The following HECW1 variants were observed in gnomAD, a reference collection of about 807,000 sequenced individuals.
The protein encoded by HECW1 is HECT, C2 and WW domain containing E3 ubiquitin protein ligase 1.
In HECW1, 61 loss-of-function variants were observed where a neutral mutation model predicts 182.3. The ratio of observed to expected loss-of-function variants is 0.33; its 90% CI spans 0.27 to 0.41. The LOEUF is 0.41. Among genes scored for constraint, HECW1 ranks in the 10% least tolerant of loss-of-function variants. The pLI, the probability that HECW1 is intolerant of heterozygous loss-of-function variation, is 1.00. For missense variants in HECW1, 1,739 were observed against 2,108.9 expected (o/e 0.82, Z 3.44); for synonymous variants, 859 against 832.6 (o/e 1.03, Z -0.55).
In HECW1 at chr7:43,480,631, GTGTGTGTACATA is replaced by G. The variant is rs1343546697; in HGVS notation, c.3234+895_3234+906del. ...TGAGTTTGTGTGTGTGTGCGTGTGT[GTGTGTGTACATA>G]TGTGTGTGTGTGTGTATATATATAC... On this transcript the variant is annotated intron_variant, in intron 17 of 29. Coordinates refer to ENST00000395891, the MANE Select transcript of HECW1 (RefSeq NM_015052.5). 2.0e-5 allele frequency among the ~76,000 whole-genome samples: 3 copies of G among 151,482 alleles called. No individual in the cohort carries two copies. The South Asian group carries it at 6.2e-4, about 32-fold the overall frequency.
intron 29 of HECW1, among the ~76,000 whole-genome samples, chr7:43,556,412 C>T (rs939243470): frequency 1.3e-5 from 2 of 152,280 alleles, no homozygotes; most frequent in African/African-American, 4.8e-5. Flanking sequence ...GCTGTCTGGG[C>T]GCAGTGGCTC....
intron 16 of HECW1, 123 bp from the exon 17 acceptor site, chr7:43,479,487 G>A: frequency 3.5e-6 from 4 of 1,152,478 alleles, no homozygotes; most frequent in Non-Finnish European, 5.0e-6. Context: ...GGAAGTAGGG[G>A]TAGGGGAGGC....
chr7:43,337,889 C>T (rs1812502588), intron 5 of HECW1, among the ~76,000 whole-genome samples: 1 of 152,184 alleles, frequency 6.6e-6, no homozygotes, highest in Non-Finnish European at 1.5e-5. Context: ...AAGGAACAAA[C>T]ATCCAGTTCC....
chr7:43,123,314 A>G (rs1299137627), intron 2 of HECW1, among the ~76,000 whole-genome samples: 3 of 152,162 alleles, frequency 2.0e-5, no homozygotes, highest in African/African-American at 7.2e-5. Context: ...GAGCTTAGAA[A>G]TCATCGTGAC....
At chr7:43,483,313 C>CT (rs1014160255) in intron 17 of HECW1, among the ~76,000 whole-genome samples, 1 of 152,072 alleles carries the variant, frequency 6.6e-6, no homozygotes, top group Non-Finnish European at 1.5e-5. Flanking sequence ...CCTTGCAGGA[C>CT]TTTTTTTCCT....
chr7:43,397,300 G>A (rs573681884), intron 7 of HECW1, among the ~76,000 whole-genome samples: 93 of 151,902 alleles, frequency 6.1e-4, no homozygotes, highest in African/African-American at 2.2e-3. Flanking sequence ...GCTCATTCAT[G>A]GAAAAAAAAT....
intron 3 of HECW1, among the ~76,000 whole-genome samples, chr7:43,295,352 G>A (rs1306870149): frequency 6.6e-6 from 1 of 152,178 alleles, no homozygotes; most frequent in Non-Finnish European, 1.5e-5. Context: ...TTTAGGAATA[G>A]AATAGGAGGC....
intron 3 of HECW1, among the ~76,000 whole-genome samples, chr7:43,256,732 G>A (rs1020057029): frequency 2.6e-5 from 4 of 151,966 alleles, no homozygotes; most frequent in Admixed American, 2.6e-4. Context: ...CCAAGGGAGT[G>A]ATAAGATAAG....
At chr7:43,426,202 C>T (rs1221489016) in intron 8 of HECW1, among the ~76,000 whole-genome samples, 8 of 152,198 alleles carry the variant, frequency 5.3e-5, no homozygotes, top group Admixed American at 3.9e-4. Flanking sequence ...CATCCTTTTA[C>T]ATCTGTTTAT....
chr7:43,322,086 T>C (rs1015712279), intron 5 of HECW1, among the ~76,000 whole-genome samples: 4 of 152,244 alleles, frequency 2.6e-5, no homozygotes, highest in Admixed American at 1.3e-4. Flanking sequence ...TTCTTTTTTT[T>C]GAGACGGAGT....
rs1336775971 is a variant in HECW1, at chr7:43,432,089, A to G, written c.802-5914A>G. 6.6e-6 allele frequency among the ~76,000 whole-genome samples: 1 copy of G among 151,860 alleles called. No individual in the cohort carries two copies. The highest frequency in any genetic ancestry group is 6.6e-5 in the Admixed American group (1 of 15,258). ...GTGATCTACCCACCTCGGCCTTCCA[A>G]AGTGCTGGGATTACAGGCATGAGCC... On this transcript the variant is annotated intron_variant, in intron 8 of 29. Coordinates refer to ENST00000395891, the MANE Select transcript of HECW1 (RefSeq NM_015052.5). The surrounding 1 kb of genome is among the most constrained non-coding windows in gnomAD (Gnocchi z 4.1).
chr7:43,431,344 CCT>C (rs1361843341), intron 8 of HECW1, among the ~76,000 whole-genome samples: 1 of 152,152 alleles, frequency 6.6e-6, no homozygotes, highest in East Asian at 1.9e-4. Flanking sequence ...TCATTCAGCC[CCT>C]CTCTGCATTC....
chr7:43,249,155 C>T (rs1799769177), intron 3 of HECW1: 2 of 152,332 alleles, frequency 1.3e-5, no homozygotes, highest in Admixed American at 6.5e-5. Flanking sequence ...CTCGGGTCAT[C>T]TGCGGAGCCT....
At position 43,114,186 on chromosome 7, in the gene HECW1, T is replaced by C. The variant is rs1784861282; in HGVS notation, c.-237T>C. The C allele has an allele frequency of 8.0e-7, 1 of 1,251,484 alleles. No individual in the cohort carries two copies. The highest frequency in any genetic ancestry group is 1.4e-5 in the South Asian group (1 of 72,076). 77.5% of individuals were successfully genotyped at this position (1,251,484 alleles called of 1,614,324 possible). A position where few individuals can be genotyped will look rare whatever the true frequency, so the allele number is the denominator to read the frequency against. On this transcript the variant is annotated 5_prime_UTR_variant, in exon 2 of 30. Transcript: ENST00000395891. ...CAATGCTATGTTCAGCAGAAACGGA[T>C]ACAGCAAGAGCAGCATAGTTCAAAA...
At chr7:43,151,922 C>A (rs1789374675) in intron 2 of HECW1, among the ~76,000 whole-genome samples, 1 of 152,102 alleles carries the variant, frequency 6.6e-6, no homozygotes, top group African/African-American at 2.4e-5. Context: ...GAAAAAGACA[C>A]ATACATATAC....
intron 8 of HECW1, among the ~76,000 whole-genome samples, chr7:43,437,091 C>G (rs1191191428): frequency 6.6e-6 from 1 of 152,170 alleles, no homozygotes; most frequent in South Asian, 2.1e-4. Context: ...TTCTCCCTCC[C>G]CTACCAGCCC....
At chr7:43,391,226 A>T (rs753910117) in intron 6 of HECW1, among the ~76,000 whole-genome samples, 2 of 152,230 alleles carry the variant, frequency 1.3e-5, no homozygotes, top group Non-Finnish European at 2.9e-5. Context: ...GTAGACATAT[A>T]GCTTAGAAGG....
chr7:43,461,358 AT>A (rs1179430355), intron 13 of HECW1, among the ~76,000 whole-genome samples: 2 of 152,256 alleles, frequency 1.3e-5, no homozygotes, highest in African/African-American at 4.8e-5. Flanking sequence ...TACAAACTCT[AT>A]TAGTCAAGGT....
chr7:43,451,508 G>A (rs1197985713), intron 12 of HECW1, among the ~76,000 whole-genome samples: 1 of 152,090 alleles, frequency 6.6e-6, no homozygotes, highest in African/African-American at 2.4e-5. Flanking sequence ...ACTGTAGTGG[G>A]TAATTAATAA....
Sources: allele counts gnomAD v4.1 joint callset (sites outside exome capture counted in the v4.1 genomes callset), GRCh38; gene constraint gnomAD v4.1.1; non-coding constraint Gnocchi (gnomAD v3.1); transcripts MANE v1.5; gene names NCBI Gene and HGNC (gene_info 2026-07-23, HGNC 2026-07-21).